The following AGTPBP1 variants were observed in gnomAD, a reference collection of about 807,000 sequenced individuals.
AGTPBP1 encodes the protein ATP/GTP binding carboxypeptidase 1.
AGTPBP1 carries 70 observed loss-of-function variants against 143.9 expected under a neutral mutation model. The observed-to-expected ratio is 0.49, with a 90% confidence interval of 0.40 to 0.59. AGTPBP1 has a LOEUF of 0.59. AGTPBP1 is among the 20% of genes least tolerant of loss of function. The pLI, the probability that AGTPBP1 is intolerant of heterozygous loss-of-function variation, is 0.00. For synonymous variants in AGTPBP1, 463 were observed against 500.2 expected, an observed-to-expected ratio of 0.93 and a Z score of 0.99; for missense variants, 1,229 against 1,464.5, an observed-to-expected ratio of 0.84 and a Z score of 2.62.
intron 8 of AGTPBP1, among the ~76,000 whole-genome samples, chr9:85,669,012 CAT>C (rs1293842339): frequency 3.1e-4 from 14 of 45,530 alleles, no homozygotes; most frequent in Middle Eastern, 0.013. Flanking sequence ...TGTGTGTATA[CAT>C]ACACACACAC....
chr9:85,660,902 T>C lies in AGTPBP1; in HGVS notation c.700+34A>G, dbSNP rs567738241. 2.5e-4 allele frequency: 359 copies of C among 1,433,450 alleles called. 2 individuals are homozygous for C. The South Asian group carries it at 4.5e-3, about 18-fold the overall frequency. The allele number at this position is 1,433,450 out of a possible 1,614,324, so 88.8% of individuals were successfully genotyped here. The stretch of plus-strand genomic sequence containing the variant: ...ATAATAAATAGAATTCTCAGAAAAA[T>C]AGTATCTAGTATTTCTAGTATTTAA... On this transcript the variant is annotated intron_variant, in intron 9 of 25. Transcript: ENST00000357081.
intron 17 of AGTPBP1, among the ~76,000 whole-genome samples, chr9:85,605,391 T>C (rs777723048): frequency 6.6e-5 from 10 of 151,938 alleles, no homozygotes; most frequent in Admixed American, 2.0e-4. Flanking sequence ...AGTACATCCA[T>C]TGAAAATATC....
At chr9:85,585,373 T>C in intron 23 of AGTPBP1, 90 bp downstream of exon 23, 1 of 1,229,490 alleles carries the variant, frequency 8.1e-7, no homozygotes, top group Non-Finnish European at 1.1e-6. Context: ...TGTCAATATT[T>C]ATTGAATGTG....
At chr9:85,716,080 CCT>C (rs1424209064) in intron 1 of AGTPBP1, among the ~76,000 whole-genome samples, 1 of 152,148 alleles carries the variant, frequency 6.6e-6, no homozygotes, top group Non-Finnish European at 1.5e-5. Context: ...CCCTTCCAAT[CCT>C]CTCTTAAACA....
intron 24 of AGTPBP1, among the ~76,000 whole-genome samples, chr9:85,577,048 A>G (rs972540442): frequency 2.6e-5 from 4 of 152,160 alleles, no homozygotes; most frequent in Non-Finnish European, 5.9e-5. Flanking sequence ...GTTTCAAAAT[A>G]TATCTTAGCT....
At chr9:85,742,412 C>G (rs574158033), upstream of AGTPBP1, among the ~76,000 whole-genome samples, 7 of 152,124 alleles carry the variant, frequency 4.6e-5, no homozygotes, top group South Asian at 1.5e-3. Flanking sequence ...TAAAGCTCCC[C>G]ACGTGATCCC....
chr9:85,552,868 AT>A (rs1176789247), intron 25 of AGTPBP1, among the ~76,000 whole-genome samples: 1 of 152,148 alleles, frequency 6.6e-6, no homozygotes, highest in Non-Finnish European at 1.5e-5. Context: ...ATGGGGGAAA[AT>A]TTTTGAAAAT....
intron 3 of AGTPBP1, among the ~76,000 whole-genome samples, chr9:85,689,898 CAAAAAAAAAAAAA>C (rs1156931410): frequency 2.8e-4 from 8 of 28,346 alleles, no homozygotes; most frequent in South Asian, 2.0e-3. Context: ...GACTCTGCCT[CAAAAAAAAAAAAA>C]AAAAAAAAAA....
chr9:85,638,593 G>C (rs1241395728), intron 13 of AGTPBP1, among the ~76,000 whole-genome samples: 2 of 151,824 alleles, frequency 1.3e-5, no homozygotes, highest in East Asian at 3.8e-4. Flanking sequence ...ACTATACGCT[G>C]TTTAAAAAAT....
the AGTPBP1 span, among the ~76,000 whole-genome samples, chr9:85,757,293 C>G: frequency 6.6e-6 from 1 of 152,100 alleles, no homozygotes; most frequent in South Asian, 2.1e-4. Context: ...TCTCGAACTT[C>G]TGACCTTGTG....
chr9:85,743,760 G>C (rs1386145833), upstream of AGTPBP1, among the ~76,000 whole-genome samples: 7 of 152,118 alleles, frequency 4.6e-5, no homozygotes, highest in Non-Finnish European at 8.8e-5. Context: ...TAGCCTTTAA[G>C]CTTTGAAGCC....
intron 25 of AGTPBP1, chr9:85,553,915 A>G (rs1490093888): frequency 2.6e-5 from 4 of 152,174 alleles, no homozygotes; most frequent in African/African-American, 4.8e-5. Flanking sequence ...CACATCCATA[A>G]AAGGATCATA....
In AGTPBP1 at chr9:85,660,955, AAG is replaced by A. The variant is rs745791373; in HGVS notation, c.679_680del (p.Leu227CysfsTer33). 1.9e-6 allele frequency: 3 copies of A among 1,596,134 alleles called. No individual in the cohort carries two copies. Among genetic ancestry groups the A allele is most frequent in the Non-Finnish European group, 1.7e-6 (2 of 1,173,044 alleles). On this transcript the variant is annotated frameshift_variant, in exon 9 of 26. Transcript: ENST00000357081. LOFTEE classifies it high-confidence loss of function. Reference protein sequence around the residue: ...SSLIKVALDTLAALLKSKTNA... With the variant: ...SSLIKVALDTXAALLKSKTNA... ...ACTTACTTGATTTTAGCAATGCAGC[AAG>A]AGTGTCTAAAGCAACCCTGTCAACA...
intron 17 of AGTPBP1, among the ~76,000 whole-genome samples, chr9:85,605,710 T>TATAA (rs75918716): frequency 0.016 from 2,461 of 152,082 alleles, 29 homozygotes; most frequent in Middle Eastern, 0.054. Context: ...AATAATAAGA[T>TATAA]ATAAATAGAA....
chr9:85,604,654 T>A (rs1829881987), intron 17 of AGTPBP1, among the ~76,000 whole-genome samples: 1 of 152,062 alleles, frequency 6.6e-6, no homozygotes, highest in Non-Finnish European at 1.5e-5. Context: ...GGACCAATCC[T>A]GGAGAAACAG....
At chr9:85,758,568 T>G in the AGTPBP1 span, among the ~76,000 whole-genome samples, 1,323 of 152,164 alleles carry the variant, frequency 8.7e-3, 23 homozygotes, top group African/African-American at 0.029. Flanking sequence ...CACTTGAACC[T>G]GAGAGGCAGA....
chr9:85,739,429 A>C (rs115563584), intron 1 of AGTPBP1, among the ~76,000 whole-genome samples: 7,168 of 152,174 alleles, frequency 0.047, 195 homozygotes, highest in Middle Eastern at 0.068. Context: ...TCAGGCCAGG[A>C]CGGGCGTGGT....
intron 2 of AGTPBP1, among the ~76,000 whole-genome samples, chr9:85,698,758 T>A (rs1214401779): frequency 7.2e-6 from 1 of 139,394 alleles, no homozygotes. Flanking sequence ...AGTGGCGCGA[T>A]CTTGGCTCAC....
intron 17 of AGTPBP1, among the ~76,000 whole-genome samples, chr9:85,612,845 GT>G (rs1316362906): frequency 6.6e-6 from 1 of 151,892 alleles, no homozygotes; most frequent in Non-Finnish European, 1.5e-5. Flanking sequence ...GGGCACAGAA[GT>G]GTGGGAAGTG....
Sources: allele counts gnomAD v4.1 joint callset (sites outside exome capture counted in the v4.1 genomes callset), GRCh38; gene constraint gnomAD v4.1.1; transcripts MANE v1.5; gene names NCBI Gene and HGNC (gene_info 2026-07-23, HGNC 2026-07-21).